MYRFL: variants seen among roughly 807,000 people sequenced by gnomAD.
MYRFL encodes myelin regulatory factor-like protein.
Under a neutral mutation model 109.4 loss-of-function variants are expected in MYRFL, and 88 were observed. The observed-to-expected ratio is 0.80, with a 90% CI of 0.68 to 0.96. MYRFL has a LOEUF of 0.96. Among genes scored for constraint, MYRFL ranks in the 40% least tolerant of loss-of-function variants. MYRFL has a pLI of 0.00. For synonymous variants in MYRFL, 324 were observed against 320.9 expected, an observed-to-expected ratio of 1.01 and a Z score of -0.10; for missense variants, 957 against 954.9, an observed-to-expected ratio of 1.00 and a Z score of -0.03.
At chr12:69,910,795 A>T in intron 12 of MYRFL, 26 bp from the exon 13 acceptor site, 1 of 1,454,114 alleles carries the variant, frequency 6.9e-7, no homozygotes, top group Non-Finnish European at 9.3e-7. Context: ...TTTGAAGATT[A>T]AACCTGTGGA....
At chr12:69,906,129 G>A (rs1245561251) in intron 11 of MYRFL, among the ~76,000 whole-genome samples, 2 of 152,126 alleles carry the variant, frequency 1.3e-5, no homozygotes, top group African/African-American at 4.8e-5. Context: ...AATGGATATG[G>A]GCTGCTGCTT....
chr12:69,952,662 A>G (rs3911596), intron 20 of MYRFL, 137 bp from the exon 21 acceptor site: 83,754 of 612,936 alleles, frequency 0.14, 8,953 homozygotes, highest in East Asian at 0.5. Flanking sequence ...TTTGTTTTCC[A>G]TTTGAATACA....
intron 18 of MYRFL, 35 bp from the exon 19 acceptor site, chr12:69,936,418 C>A (rs1453584774): frequency 6.6e-7 from 1 of 1,525,872 alleles, no homozygotes; most frequent in Admixed American, 2.0e-5. Context: ...GGTTAACCTT[C>A]TTGCTTCCCC....
chr12:69,886,731 A>G (rs1886476566), intron 5 of MYRFL, 89 bp from the exon 6 acceptor site: 3 of 1,447,368 alleles, frequency 2.1e-6, no homozygotes, highest in Middle Eastern at 2.4e-4. Context: ...TGCCTTACAC[A>G]TGGCCCACTC....
At chr12:69,925,557 A>G (rs1955048781) in intron 13 of MYRFL, among the ~76,000 whole-genome samples, 1 of 127,498 alleles carries the variant, frequency 7.8e-6, no homozygotes, top group South Asian at 3.4e-4. Flanking sequence ...TGAACTTGCA[A>G]ACAGAGAGAA....
chr12:69,949,689 G>A (rs1044918747), intron 19 of MYRFL, among the ~76,000 whole-genome samples: 1 of 150,148 alleles, frequency 6.7e-6, no homozygotes, highest in Non-Finnish European at 1.5e-5. Flanking sequence ...TATCATTAGT[G>A]TTAGTGTATT....
chr12:69,910,094 C>T lies in MYRFL; in HGVS notation c.1492+17C>T. 1 of 1,465,268 alleles carries T rather than the reference C, an allele frequency of 6.8e-7. No individual in the cohort carries two copies. The highest frequency in any genetic ancestry group is 9.0e-7 in the Non-Finnish European group (1 of 1,106,836). 90.8% of individuals were successfully genotyped at this position (1,465,268 alleles called of 1,614,324 possible). A position where few individuals can be genotyped will look rare whatever the true frequency, so the allele number is the denominator to read the frequency against. ...ATCAAACAGGTACACACACAAATTC[C>T]CCTTTTAATTTTGTATTGCCAACTA... On this transcript the variant is annotated intron_variant, in intron 12 of 24. Transcript: ENST00000552032.
intron 10 of MYRFL, among the ~76,000 whole-genome samples, chr12:69,901,998 A>T (rs905021504): frequency 6.6e-6 from 1 of 151,342 alleles, no homozygotes; most frequent in Non-Finnish European, 1.5e-5. Context: ...AGTTAAAGTG[A>T]TCCTCCTGAC....
rs140452304 is a variant in MYRFL at position 69,879,385 on chromosome 12, C to G, written c.396C>G (p.Asp132Glu). Residue 132 changes from aspartate to glutamate, a missense_variant, in exon 4 of 25, where the codon GAC (aspartate) becomes GAG (glutamate). Physicochemically the swap from Asp to Glu is conservative, Grantham distance 45. Coordinates refer to ENST00000552032, the MANE Select transcript of MYRFL (RefSeq NM_182530.3). ...SNASHLATPL[D>E]QSVSSHLGIG... The stretch of plus-strand genomic sequence containing the variant: ...CCAGTCATCTTGCCACCCCCCTGGA[C>G]CAATCCGTGTCCTCCCATCTGGGGA... 839 of 702,932 alleles carry G rather than the reference C, an allele frequency of 1.2e-3. 2 individuals are homozygous for G. The highest frequency in any genetic ancestry group is 3.6e-3 in the Admixed American group (180 of 50,018). The allele number at this position is 702,932 out of a possible 1,614,324, so 43.5% of individuals were successfully genotyped here.
intron 1 of MYRFL, among the ~76,000 whole-genome samples, chr12:69,834,038 C>T (rs1051817919): frequency 6.6e-6 from 1 of 152,008 alleles, no homozygotes; most frequent in Non-Finnish European, 1.5e-5. Context: ...AATAAGAGTA[C>T]AAAGATATCA....
At chr12:69,919,022 G>A (rs951702469) in intron 13 of MYRFL, among the ~76,000 whole-genome samples, 1 of 152,134 alleles carries the variant, frequency 6.6e-6, no homozygotes, top group African/African-American at 2.4e-5. Context: ...TCTCCCACTA[G>A]AAGATATTCT....
chr12:69,852,996 G>A (rs1393333638), intron 1 of MYRFL, among the ~76,000 whole-genome samples: 2 of 152,218 alleles, frequency 1.3e-5, no homozygotes, highest in Non-Finnish European at 2.9e-5. Context: ...TTTCTACACA[G>A]ACACCGTAAC....
intron 15 of MYRFL, among the ~76,000 whole-genome samples, chr12:69,931,206 G>T (rs976917360): frequency 1.3e-5 from 2 of 152,140 alleles, no homozygotes; most frequent in East Asian, 1.9e-4. Context: ...CAGCAGCTGT[G>T]GGGGTAGGTT....
intron 15 of MYRFL, 71 bp from the exon 16 acceptor site, chr12:69,932,442 A>T (rs1455472083): frequency 2.0e-6 from 2 of 990,744 alleles, no homozygotes; most frequent in African/African-American, 3.2e-5. Context: ...TGCTGGGAGC[A>T]GTTCTCCAGG....
intron 1 of MYRFL, among the ~76,000 whole-genome samples, chr12:69,853,865 G>A (rs949054030): frequency 2.0e-5 from 3 of 151,586 alleles, no homozygotes; most frequent in African/African-American, 7.3e-5. Flanking sequence ...TTCCCAGACT[G>A]GGCGGTGGGG....
intron 14 of MYRFL, 95 bp from the exon 15 acceptor site, chr12:69,927,588 GAA>G (rs1454836801): frequency 1.1e-6 from 1 of 873,098 alleles, no homozygotes; most frequent in East Asian, 2.7e-5. Context: ...TATTGCAAAA[GAA>G]AGTCATATTG....
chr12:69,891,637 T>TTCTTTCTTTCTTTCTTTC, intron 7 of MYRFL, among the ~76,000 whole-genome samples: 4 of 53,836 alleles, frequency 7.4e-5, no homozygotes, highest in African/African-American at 1.7e-4. Flanking sequence ...CTTCCTTTCT[T>TTCTTTCTTTCTTTCTTTC]TTTCTTTCTT....
At chr12:69,918,054 TC>T (rs1352349265) in intron 13 of MYRFL, among the ~76,000 whole-genome samples, 1 of 152,160 alleles carries the variant, frequency 6.6e-6, no homozygotes, top group African/African-American at 2.4e-5. Context: ...TGTGGCCAAG[TC>T]TGGGTTACAG....
Position 69,903,646 on chromosome 12 carries a change from C to T in MYRFL, c.1185C>T (p.Ala395=), listed in dbSNP as rs1340626775. The T allele has an allele frequency of 2.1e-5, 33 of 1,535,596 alleles. 1 individual carries two copies. The Admixed American group carries it at 6.3e-4, about 29-fold the overall frequency. The change falls in exon 11 of 25, where the codon GCC becomes GCT. Residue 395 remains alanine, a splice_region_variant and synonymous_variant. Transcript: ENST00000552032. ...AATATATTTATGTATTTTTCCAGGCCTCTAACCCTGGGCAGTTTGAAAATG... is the reference window on the plus strand; with the variant it reads ...AATATATTTATGTATTTTTCCAGGCTTCTAACCCTGGGCAGTTTGAAAATG... ...AHISERIIVR[A]SNPGQFENDS...
Sources: allele counts gnomAD v4.1 joint callset (sites outside exome capture counted in the v4.1 genomes callset), GRCh38; gene constraint gnomAD v4.1.1; transcripts MANE v1.5; gene names NCBI Gene and HGNC (gene_info 2026-07-23, HGNC 2026-07-21).